MPRIP: variants seen among roughly 807,000 people sequenced by gnomAD.
MPRIP encodes the protein myosin phosphatase Rho interacting protein.
MPRIP carries 59 observed loss-of-function variants against 234.9 expected under a neutral mutation model. The observed-to-expected ratio is 0.25, with a 90% CI of 0.20 to 0.31. The LOEUF (loss-of-function observed/expected upper bound fraction) is 0.31. Ranked by LOEUF, MPRIP falls within the 10% of genes least tolerant of loss-of-function variation. The pLI, the probability that MPRIP is intolerant of heterozygous loss-of-function variation, is 1.00. For missense variants in MPRIP, 2,436 were observed against 3,071.0 expected, an observed-to-expected ratio of 0.79 and a Z score of 4.89; for synonymous variants, 1,144 against 1,263.9, an observed-to-expected ratio of 0.91 and a Z score of 2.01.
rs1470183451 is a variant in MPRIP at position 17,191,119 on chromosome 17, A to G, written c.*6225A>G. 6.6e-6 allele frequency: 1 copy of G among 152,234 alleles called. No homozygotes were observed. The highest frequency in any genetic ancestry group is 2.4e-5 in the African/African-American group (1 of 41,458). The allele number at this position is 152,234 out of a possible 1,614,324, so 9.4% of individuals were successfully genotyped here. On this transcript the variant is annotated 3_prime_UTR_variant, in exon 24 of 24. Coordinates refer to ENST00000651222, the MANE Select transcript of MPRIP (RefSeq NM_001364716.4). ...CTAACAGATGGTTTTAAAGTGTACA[A>G]TATCCAAAATAACGATAGCCCTGTA...
At chr17:17,131,774 G>C in intron 5 of MPRIP, 73 bp downstream of exon 5, 1 of 1,369,816 alleles carries the variant, frequency 7.3e-7, no homozygotes, top group Non-Finnish European at 1.0e-6. Flanking sequence ...GGCTCCCTGA[G>C]GTTAGAGGGT....
chr17:17,168,470 C>G (rs1041695324), intron 16 of MPRIP: 12 of 281,724 alleles, frequency 4.3e-5, no homozygotes, highest in Non-Finnish European at 6.9e-5. Context: ...GAAGAACTTT[C>G]CCACGGAGCA....
intron 3 of MPRIP, among the ~76,000 whole-genome samples, chr17:17,080,474 C>G (rs1343878473): frequency 6.6e-6 from 1 of 152,228 alleles, no homozygotes; most frequent in Non-Finnish European, 1.5e-5. Flanking sequence ...TGGGTAAACT[C>G]CAGCCAAGCT....
In MPRIP at chr17:17,180,723, G is replaced by C. The variant is rs940179621; in HGVS notation, c.7206+635G>C. On this transcript the variant is annotated intron_variant, in intron 23 of 23. Coordinates refer to ENST00000651222, the MANE Select transcript of MPRIP (RefSeq NM_001364716.4). ...CACTGCTCACACCCCCATGGCAAAC[G>C]CCTGTGTCATGGTTACTTTATTTCA... is the stretch of plus-strand genomic sequence containing the variant. 3.3e-6 allele frequency: 5 copies of C among 1,502,494 alleles called. No homozygotes were observed. The East Asian group carries it at 9.0e-5, about 27-fold the overall frequency. 93.1% of individuals were successfully genotyped at this position (1,502,494 alleles called of 1,614,324 possible). A position where few individuals can be genotyped will look rare whatever the true frequency, so the allele number is the denominator to read the frequency against.
intron 3 of MPRIP, among the ~76,000 whole-genome samples, chr17:17,082,246 T>C (rs1002683962): frequency 2.0e-5 from 3 of 150,830 alleles, no homozygotes; most frequent in Non-Finnish European, 2.9e-5. Flanking sequence ...CTCAAGGGCC[T>C]GCTCTCCAAG....
intron 12 of MPRIP, among the ~76,000 whole-genome samples, chr17:17,151,595 T>C (rs1405667672): frequency 6.6e-6 from 1 of 152,196 alleles, no homozygotes; most frequent in Non-Finnish European, 1.5e-5. Flanking sequence ...AACCCTCTGA[T>C]TTAATGGGTT....
chr17:17,063,780 G>A (rs1182054387), intron 1 of MPRIP, among the ~76,000 whole-genome samples: 1 of 152,244 alleles, frequency 6.6e-6, no homozygotes, highest in Non-Finnish European at 1.5e-5. Flanking sequence ...CAAGCATGTT[G>A]TGTGGGCTGG....
chr17:17,133,156 C>G (rs1256442611), intron 5 of MPRIP, among the ~76,000 whole-genome samples: 3 of 152,288 alleles, frequency 2.0e-5, no homozygotes, highest in East Asian at 1.9e-4. Flanking sequence ...GCCACATGAT[C>G]CCAGGGTGGG....
chr17:17,142,686 A>T lies in MPRIP; in HGVS notation c.1310A>T (p.Glu437Val). 6.2e-7 allele frequency: 1 copy of T among 1,612,192 alleles called. No homozygotes were observed. The stretch of plus-strand genomic sequence containing the variant: ...GACATTGAGAAGGCAGAGCACATGG[A>T]GACCAATGCAGTGGGGCCCTCACCA... Reference protein sequence around the residue: ...ALDIEKAEHMETNAVGPSPSS... With the variant: ...ALDIEKAEHMVTNAVGPSPSS... Residue 437 changes from glutamate (E) to valine (V), a missense_variant, in exon 8 of 24, where the codon GAG becomes GTG. Physicochemically the swap from Glu to Val is moderately radical, Grantham distance 121. Coordinates refer to ENST00000651222, the MANE Select transcript of MPRIP (RefSeq NM_001364716.4).
intron 1 of MPRIP, among the ~76,000 whole-genome samples, chr17:17,046,571 A>G (rs1450181885): frequency 2.0e-5 from 3 of 152,266 alleles, no homozygotes; most frequent in African/African-American, 4.8e-5. Flanking sequence ...CTAATTACTC[A>G]TGAAGTTGAG....
chr17:17,142,529 A>T (rs1037271723), intron 7 of MPRIP, 98 bp from the exon 8 acceptor site: 13 of 1,423,386 alleles, frequency 9.1e-6, no homozygotes, highest in Admixed American at 5.5e-5. Flanking sequence ...CCTGAGGGGA[A>T]TCAGGCCCGG....
intron 3 of MPRIP, among the ~76,000 whole-genome samples, chr17:17,097,775 A>G (rs2089878777): frequency 6.6e-6 from 1 of 152,190 alleles, no homozygotes; most frequent in African/African-American, 2.4e-5. Flanking sequence ...GGAGGCACCC[A>G]GGGTCTCTCA....
rs755206122 is a variant in MPRIP at position 17,158,753 on chromosome 17, C to T, written c.2151C>T (p.Leu717=). Residue 717 remains leucine, a synonymous_variant, in exon 14 of 24, where the codon CTC becomes CTT. Coordinates refer to ENST00000651222, the MANE Select transcript of MPRIP (RefSeq NM_001364716.4). ...REERRKRFGM[L]DATDGPGTED... ...AGCGCCGCAAGCGCTTCGGGATGCT[C>T]GACGCCACAGACGGGCCAGGCACTG... 1.6e-5 allele frequency: 26 copies of T among 1,611,334 alleles called. No homozygotes were observed. The highest frequency in any genetic ancestry group is 1.5e-4 in the Admixed American group (9 of 60,000).
intron 1 of MPRIP, among the ~76,000 whole-genome samples, chr17:17,053,669 C>G (rs1419387693): frequency 1.3e-5 from 2 of 152,154 alleles, no homozygotes; most frequent in African/African-American, 4.8e-5. Context: ...AGAAAACAGC[C>G]CAGGGAGGGG....
intron 16 of MPRIP, chr17:17,170,097 A>G (rs1420105316): frequency 6.6e-6 from 1 of 151,956 alleles, no homozygotes; most frequent in Non-Finnish European, 1.5e-5. Context: ...TCGTTTTAGC[A>G]GCATATATAC....
At chr17:17,178,070 A>C (rs1597520307) in intron 22 of MPRIP, among the ~76,000 whole-genome samples, 2 of 151,906 alleles carry the variant, frequency 1.3e-5, no homozygotes, top group African/African-American at 4.8e-5. Flanking sequence ...ACAGGAGTGC[A>C]CCACAAAACA....
In MPRIP at chr17:17,164,475, G is replaced by T. The variant is rs2045939050; in HGVS notation, c.2884G>T (p.Ala962Ser). The T allele has an allele frequency of 8.2e-7, 1 of 1,219,870 alleles. No individual in the cohort carries two copies. The highest frequency in any genetic ancestry group is 1.0e-6 in the Non-Finnish European group (1 of 954,910). The allele number at this position is 1,219,870 out of a possible 1,614,324, so 75.6% of individuals were successfully genotyped here. A position where few individuals can be genotyped will look rare whatever the true frequency, so the allele number is the denominator to read the frequency against. The change falls in exon 16 of 24, where the codon GCT becomes TCT. Residue 962 changes from alanine to serine, a missense_variant. Ala to Ser is a moderately conservative substitution (Grantham distance 99). This residue lies in a region of MPRIP where 1,998 missense variants were observed against 2,520.3 expected (regional missense o/e 0.79). Transcript: ENST00000651222. The part of the protein sequence containing the change: ...LRASEQKLKS[A>S]EALLLEKTQE... ...GGCTAGCGAGCAGAAGCTCAAGAGT[G>T]CTGAGGCCCTGCTGCTGGAGAAGAC...
chr17:17,054,440 A>G (rs888874044), intron 1 of MPRIP, among the ~76,000 whole-genome samples: 5 of 152,132 alleles, frequency 3.3e-5, no homozygotes, highest in African/African-American at 9.7e-5. Flanking sequence ...TTCCAGTTCA[A>G]TGTCACCGGT....
chr17:17,056,361 C>T (rs1011879687), intron 1 of MPRIP, among the ~76,000 whole-genome samples: 1 of 152,232 alleles, frequency 6.6e-6, no homozygotes, highest in East Asian at 1.9e-4. Flanking sequence ...TCCAAAAATC[C>T]TGTGGCCACG....
Sources: allele counts gnomAD v4.1 joint callset (sites outside exome capture counted in the v4.1 genomes callset), GRCh38; gene constraint gnomAD v4.1.1; regional missense constraint gnomAD v4.1.1; transcripts MANE v1.5; gene names NCBI Gene and HGNC (gene_info 2026-07-23, HGNC 2026-07-21).